The following GRIP1 variants were observed in gnomAD, a reference collection of about 807,000 sequenced individuals.
GRIP1 encodes the protein glutamate receptor-interacting protein 1.
Under a neutral mutation model 129.9 loss-of-function variants are expected in GRIP1, and 45 were observed. The observed-to-expected ratio is 0.35, with a 90% confidence interval of 0.27 to 0.44. The LOEUF (loss-of-function observed/expected upper bound fraction) is 0.44. Ranked by LOEUF, GRIP1 falls within the 20% of genes least tolerant of loss-of-function variation. The probability of loss-of-function intolerance (pLI) is 1.00; values close to 1 mark genes in which losing one functional copy is unlikely to be tolerated. For missense variants in GRIP1, 1,196 were observed against 1,396.8 expected (o/e 0.86, Z 2.29); for synonymous variants, 530 against 520.8 (o/e 1.02, Z -0.24).
intron 1 of GRIP1, among the ~76,000 whole-genome samples, chr12:66,946,106 A>G (rs1038236902): frequency 6.6e-6 from 1 of 152,194 alleles, no homozygotes; most frequent in Non-Finnish European, 1.5e-5. Context: ...TCAACAACTC[A>G]ATGTTTTCTT....
chr12:66,537,147 C>G (rs994540308), intron 4 of GRIP1, among the ~76,000 whole-genome samples: 6 of 152,116 alleles, frequency 3.9e-5, no homozygotes, highest in East Asian at 1.9e-4. Flanking sequence ...GTGCCAGGCA[C>G]TATTCTAAAT....
intron 9 of GRIP1, among the ~76,000 whole-genome samples, chr12:66,457,546 C>T (rs1044297661): frequency 6.6e-6 from 1 of 152,178 alleles, no homozygotes; most frequent in African/African-American, 2.4e-5. Context: ...GCATGAGCCA[C>T]CATGCCTGAC....
At chr12:66,459,562 T>C (rs1349424567) in intron 9 of GRIP1, among the ~76,000 whole-genome samples, 2 of 152,214 alleles carry the variant, frequency 1.3e-5, no homozygotes, top group South Asian at 2.1e-4. Flanking sequence ...ATAAGGAAGA[T>C]ATTATTTACC....
intron 1 of GRIP1, among the ~76,000 whole-genome samples, chr12:66,919,712 A>C (rs2041182833): frequency 6.6e-6 from 1 of 152,122 alleles, no homozygotes; most frequent in African/African-American, 2.4e-5. Flanking sequence ...AATGGGAGGG[A>C]TAAGGAAGTG....
chr12:67,053,448 A>G (rs1218849690), intron 1 of GRIP1, among the ~76,000 whole-genome samples: 2 of 152,264 alleles, frequency 1.3e-5, no homozygotes, highest in East Asian at 3.8e-4. Flanking sequence ...AGATTATGAC[A>G]CGATTGCTAA....
chr12:67,018,764 G>C (rs546529723), intron 1 of GRIP1, among the ~76,000 whole-genome samples: 1 of 152,062 alleles, frequency 6.6e-6, no homozygotes, highest in East Asian at 1.9e-4. Context: ...CAGCCAGTCA[G>C]CTCCATTTTG....
intron 1 of GRIP1, among the ~76,000 whole-genome samples, chr12:66,900,438 C>T (rs1275535802): frequency 6.6e-6 from 1 of 152,140 alleles, no homozygotes; most frequent in Non-Finnish European, 1.5e-5. Flanking sequence ...TCACTGGACA[C>T]CAAATCTGCC....
intron 1 of GRIP1, among the ~76,000 whole-genome samples, chr12:66,785,339 C>CATATATATATATAT (rs1242812457): frequency 0.017 from 631 of 36,214 alleles, 5 homozygotes; most frequent in African/African-American, 0.02. Context: ...TACATACATA[C>CATATATATATATAT]ATACATATAT....
chr12:66,562,149 T>C (rs1388501578), intron 2 of GRIP1, among the ~76,000 whole-genome samples: 6 of 152,152 alleles, frequency 3.9e-5, no homozygotes, highest in Admixed American at 3.9e-4. Context: ...TCAATCAAAT[T>C]ACAACATAAT....
chr12:66,554,187 A>G (rs1271655833), intron 2 of GRIP1, among the ~76,000 whole-genome samples: 4 of 152,194 alleles, frequency 2.6e-5, no homozygotes, highest in Admixed American at 2.6e-4. Context: ...GGAAGAGTAA[A>G]GAGGACTTTG....
At chr12:66,669,516 T>C (rs1160748762) in intron 1 of GRIP1, among the ~76,000 whole-genome samples, 1 of 152,248 alleles carries the variant, frequency 6.6e-6, no homozygotes, top group African/African-American at 2.4e-5. Context: ...TGGATACTAA[T>C]TTTCAAGGAA....
chr12:66,865,209 A>C (rs2040182536), intron 1 of GRIP1, among the ~76,000 whole-genome samples: 1 of 152,102 alleles, frequency 6.6e-6, no homozygotes, highest in South Asian at 2.1e-4. Context: ...AATATGAAAA[A>C]AGTTCATGTT....
intron 1 of GRIP1, among the ~76,000 whole-genome samples, chr12:66,867,476 G>A (rs553006051): frequency 8.5e-5 from 13 of 152,196 alleles, no homozygotes; most frequent in African/African-American, 2.9e-4. Context: ...GTTAGGACAG[G>A]CAAAGTGTAG....
chr12:66,356,263 A>G (rs892267979), intron 23 of GRIP1, among the ~76,000 whole-genome samples: 3 of 152,206 alleles, frequency 2.0e-5, no homozygotes, highest in African/African-American at 7.2e-5. Flanking sequence ...GGAGCAGATC[A>G]TATACAGACA....
At chr12:66,638,943 C>CTTCAGTTCAG (rs2031669329) in intron 1 of GRIP1, among the ~76,000 whole-genome samples, 1 of 152,128 alleles carries the variant, frequency 6.6e-6, no homozygotes. Flanking sequence ...GTTTCAGTTT[C>CTTCAGTTCAG]TTTGTGAAAT....
At chr12:66,662,327 C>T (rs932938858) in intron 1 of GRIP1, among the ~76,000 whole-genome samples, 2 of 152,116 alleles carry the variant, frequency 1.3e-5, no homozygotes, top group Admixed American at 6.6e-5. Flanking sequence ...TCTCTCTCTC[C>T]ACTTCCCCAT....
intron 1 of GRIP1, among the ~76,000 whole-genome samples, chr12:66,961,826 G>A (rs17103105): frequency 2.0e-5 from 3 of 151,940 alleles, no homozygotes; most frequent in Admixed American, 2.0e-4. Context: ...GTGCCTGGCA[G>A]CCAGAAAATA....
chr12:67,056,158 T>C (rs1039118282), intron 1 of GRIP1, among the ~76,000 whole-genome samples: 2 of 152,190 alleles, frequency 1.3e-5, no homozygotes, highest in African/African-American at 4.8e-5. Context: ...GTGTAACAAA[T>C]TATCCCAAAA....
chr12:66,536,153 T>A (rs2061598375), intron 4 of GRIP1, among the ~76,000 whole-genome samples: 1 of 152,212 alleles, frequency 6.6e-6, no homozygotes, highest in Admixed American at 6.5e-5. Flanking sequence ...GGAATCTGAC[T>A]GCTTTTCACT....
Sources: allele counts gnomAD v4.1 joint callset (sites outside exome capture counted in the v4.1 genomes callset), GRCh38; gene constraint gnomAD v4.1.1; transcripts MANE v1.5; gene names NCBI Gene and HGNC (gene_info 2026-07-23, HGNC 2026-07-21).